The following GNAQ variants were observed in gnomAD, a reference collection of about 807,000 sequenced individuals.
The protein encoded by GNAQ is guanine nucleotide-binding protein G(q) subunit alpha.
In GNAQ, 8 loss-of-function variants were observed where a neutral mutation model predicts 43.9. The observed-to-expected ratio is 0.18, with a 90% CI of 0.11 to 0.33. The LOEUF is 0.33. GNAQ is among the 10% of genes least tolerant of loss of function. The probability of loss-of-function intolerance (pLI) is 1.00; values close to 1 mark genes in which losing one functional copy is unlikely to be tolerated. For missense variants in GNAQ, 158 were observed against 450.8 expected (o/e 0.35, Z 5.88); for synonymous variants, 155 against 170.7 (o/e 0.91, Z 0.71).
At chr9:78,008,529 A>G (rs542272704) in intron 1 of GNAQ, among the ~76,000 whole-genome samples, 3 of 152,332 alleles carry the variant, frequency 2.0e-5, no homozygotes, top group East Asian at 3.9e-4. Context: ...ATAATCATAC[A>G]TATACACTGA....
In GNAQ at chr9:77,900,985, C is replaced by T. The variant is rs577002273; in HGVS notation, c.321+21176G>A. On this transcript the variant is annotated intron_variant, in intron 2 of 6. Transcript: ENST00000286548. Reference sequence around the variant, plus strand: ...GCAAATTTCCACTGACCAACAAACACACTCGGTTCTCTCCTGAAGTTAAAG... The same window carrying T: ...GCAAATTTCCACTGACCAACAAACATACTCGGTTCTCTCCTGAAGTTAAAG... Among the ~76,000 whole-genome samples the T allele has an allele frequency of 2.6e-5, 4 of 152,284 alleles. No individual in the cohort carries two copies. The East Asian group carries it at 7.7e-4, about 29-fold the overall frequency.
intron 6 of GNAQ, among the ~76,000 whole-genome samples, chr9:77,726,380 A>T (rs934219467): frequency 4.6e-5 from 7 of 152,242 alleles, no homozygotes. Context: ...TTATATTTTC[A>T]ATTCACCAAC....
At chr9:78,008,929 T>C (rs1017425983) in intron 1 of GNAQ, among the ~76,000 whole-genome samples, 1 of 152,236 alleles carries the variant, frequency 6.6e-6, no homozygotes, top group Admixed American at 6.5e-5. Context: ...CTATCGAATT[T>C]CTTAAAGAAG....
At chr9:77,804,603 C>G (rs1262463516) in intron 3 of GNAQ, among the ~76,000 whole-genome samples, 1 of 152,168 alleles carries the variant, frequency 6.6e-6, no homozygotes, top group Non-Finnish European at 1.5e-5. Flanking sequence ...TAAGTAGGAA[C>G]AGAAATCTCT....
intron 1 of GNAQ, among the ~76,000 whole-genome samples, chr9:77,959,779 C>T (rs541932891): frequency 5.9e-4 from 90 of 152,240 alleles, no homozygotes; most frequent in African/African-American, 2.0e-3. Flanking sequence ...CCTTTCCAAA[C>T]GACTGCTACA....
At chr9:77,910,377 T>G (rs1219450896) in intron 2 of GNAQ, among the ~76,000 whole-genome samples, 1 of 152,214 alleles carries the variant, frequency 6.6e-6, no homozygotes, top group African/African-American at 2.4e-5. Flanking sequence ...AAACAATACA[T>G]TACTTGGTTT....
At chr9:77,864,530 T>C (rs373679958) in intron 2 of GNAQ, among the ~76,000 whole-genome samples, 1 of 152,176 alleles carries the variant, frequency 6.6e-6, no homozygotes, top group Non-Finnish European at 1.5e-5. Context: ...GTCAGAGTGA[T>C]GCAAAGTGAG....
At position 78,003,260 on chromosome 9, in the gene GNAQ, A is replaced by G. The variant is rs139470398; in HGVS notation, c.136+27840T>C. Among the ~76,000 whole-genome samples the G allele has an allele frequency of 1.2e-3, 188 of 152,356 alleles. 1 individual carries two copies. In the East Asian group the frequency reaches 0.021, roughly 17 times the overall value. On this transcript the variant is annotated intron_variant, in intron 1 of 6. Transcript: ENST00000286548. ...AAAAGTGCCTTCAAGAGGGAAAATT[A>G]GATGAGAGAGCACTAGCTATCTCCA...
At chr9:77,888,775 A>G (rs1828351248) in intron 2 of GNAQ, among the ~76,000 whole-genome samples, 1 of 152,170 alleles carries the variant, frequency 6.6e-6, no homozygotes, top group East Asian at 1.9e-4. Context: ...TGTAAATCAG[A>G]GCAGCAGAAT....
intron 2 of GNAQ, among the ~76,000 whole-genome samples, chr9:77,874,108 A>G (rs1037669884): frequency 2.0e-5 from 3 of 149,338 alleles, no homozygotes; most frequent in African/African-American, 7.6e-5. Context: ...CCATCTCAAA[A>G]AAAAAAAACA....
At chr9:77,823,583 G>A (rs1827148217) in intron 2 of GNAQ, among the ~76,000 whole-genome samples, 1 of 152,188 alleles carries the variant, frequency 6.6e-6, no homozygotes, top group South Asian at 2.1e-4. Context: ...TCTGCAGGCT[G>A]TATAGGAAGC....
At chr9:77,941,909 C>CAT (rs1279718665) in intron 1 of GNAQ, among the ~76,000 whole-genome samples, 3 of 14,322 alleles carry the variant, frequency 2.1e-4, no homozygotes, top group Non-Finnish European at 5.1e-4. Flanking sequence ...AACATACATA[C>CAT]ACACACACAC....
intron 2 of GNAQ, among the ~76,000 whole-genome samples, chr9:77,909,094 C>T (rs898624792): frequency 6.6e-6 from 1 of 152,116 alleles, no homozygotes; most frequent in African/African-American, 2.4e-5. Flanking sequence ...GAGAAAAAGG[C>T]ACCCCTTCCT....
chr9:77,845,715 A>C (rs1323734819), intron 2 of GNAQ, among the ~76,000 whole-genome samples: 1 of 152,330 alleles, frequency 6.6e-6, no homozygotes, highest in South Asian at 2.1e-4. Flanking sequence ...ACTTACTGTA[A>C]AACTTTACAC....
intron 1 of GNAQ, among the ~76,000 whole-genome samples, chr9:78,016,834 CT>C (rs1182986637): frequency 6.6e-6 from 1 of 152,054 alleles, no homozygotes; most frequent in Admixed American, 6.6e-5. Context: ...AAAATAAAAA[CT>C]GTAAAATGAA....
chr9:77,989,300 C>A (rs764511509), intron 1 of GNAQ, among the ~76,000 whole-genome samples: 10 of 152,100 alleles, frequency 6.6e-5, no homozygotes, highest in Non-Finnish European at 1.2e-4. Context: ...CAGCAAAGGC[C>A]CAAATCAGTT....
intron 1 of GNAQ, among the ~76,000 whole-genome samples, chr9:77,986,825 T>TA (rs983867037): frequency 3.8e-5 from 5 of 131,772 alleles, no homozygotes; most frequent in African/African-American, 8.5e-5. Context: ...TTTTTTTTTT[T>TA]AACCTTTTCT....
intron 1 of GNAQ, among the ~76,000 whole-genome samples, chr9:77,930,817 A>G (rs1015430470): frequency 6.6e-6 from 1 of 152,110 alleles, no homozygotes; most frequent in East Asian, 1.9e-4. Context: ...GTCCTAAAGC[A>G]GCAGTCCCAA....
chr9:77,990,559 C>A (rs560224743), intron 1 of GNAQ, among the ~76,000 whole-genome samples: 2 of 152,142 alleles, frequency 1.3e-5, no homozygotes, highest in Non-Finnish European at 2.9e-5. Context: ...GTCAAAGGCT[C>A]CAGGTTTTTC....
Sources: allele counts gnomAD v4.1 joint callset (sites outside exome capture counted in the v4.1 genomes callset), GRCh38; gene constraint gnomAD v4.1.1; transcripts MANE v1.5; gene names NCBI Gene and HGNC (gene_info 2026-07-23, HGNC 2026-07-21).